The following AUH variants were observed in gnomAD, a reference collection of about 807,000 sequenced individuals.
The protein encoded by AUH is AU RNA binding methylglutaconyl-CoA hydratase.
A neutral mutation model predicts 42.3 loss-of-function variants in AUH; 29 were observed. That is an observed-to-expected ratio of 0.69 (90% CI 0.51 to 0.93). The LOEUF (loss-of-function observed/expected upper bound fraction) is 0.93, where lower values mean the gene tolerates loss of function less well. Among genes scored for constraint, AUH ranks in the 40% least tolerant of loss-of-function variants. The pLI is 0.00. For synonymous variants in AUH, 174 were observed against 166.4 expected, an observed-to-expected ratio of 1.05 and a Z score of -0.35; for missense variants, 452 against 438.1, an observed-to-expected ratio of 1.03 and a Z score of -0.28.
At chr9:91,315,123 G>C (rs1167348509) in intron 4 of AUH, among the ~76,000 whole-genome samples, 2 of 152,166 alleles carry the variant, frequency 1.3e-5, no homozygotes, top group Non-Finnish European at 2.9e-5. Context: ...TTTTTTAGTA[G>C]AGACAGGGTT....
At position 91,223,947 on chromosome 9, in the gene AUH, A is replaced by G. The variant is rs531875288; in HGVS notation, c.656-2955T>C. On this transcript the variant is annotated intron_variant, in intron 6 of 9. Coordinates refer to ENST00000375731, the MANE Select transcript of AUH (RefSeq NM_001698.3). ...AAGAACCAAAACTCAGCTGATCACCAGACCAGATGACTCCTTGCCCCTCCC... is the reference window on the plus strand; with the variant it reads ...AAGAACCAAAACTCAGCTGATCACCGGACCAGATGACTCCTTGCCCCTCCC... 2.0e-5 allele frequency among the ~76,000 whole-genome samples: 3 copies of G among 152,348 alleles called. No homozygotes were observed. In the East Asian group the frequency reaches 5.8e-4, roughly 29 times the overall value.
At chr9:91,290,645 T>A (rs1826790556) in intron 6 of AUH, among the ~76,000 whole-genome samples, 1 of 152,108 alleles carries the variant, frequency 6.6e-6, no homozygotes, top group Non-Finnish European at 1.5e-5. Context: ...TGGGAAAAAA[T>A]TCTAGTTTCT....
chr9:91,358,073 G>A (rs1002775927), intron 1 of AUH, among the ~76,000 whole-genome samples: 5 of 152,182 alleles, frequency 3.3e-5, no homozygotes, highest in Admixed American at 2.6e-4. Flanking sequence ...TGAGATTGGT[G>A]GTGGTAAAAA....
chr9:91,262,280 G>A (rs2131449984), intron 6 of AUH, among the ~76,000 whole-genome samples: 1 of 152,268 alleles, frequency 6.6e-6, no homozygotes, highest in East Asian at 1.9e-4. Flanking sequence ...GTGTACCTGA[G>A]ATAATTTTGA....
chr9:91,356,289 G>A (rs1328790739), intron 1 of AUH, 134 bp from the exon 2 acceptor site: 3 of 755,052 alleles, frequency 4.0e-6, no homozygotes, highest in Non-Finnish European at 4.5e-6. Context: ...CCCTTCAATC[G>A]ATCTCTTCTT....
chr9:91,315,934 T>C (rs1387740811), intron 4 of AUH, among the ~76,000 whole-genome samples: 1 of 152,222 alleles, frequency 6.6e-6, no homozygotes, highest in Non-Finnish European at 1.5e-5. Context: ...TTGAATGCTA[T>C]TAGTTTTATA....
At position 91,358,871 on chromosome 9, in the gene AUH, T is replaced by G. The variant is rs1037597003; in HGVS notation, c.263-2716A>C. ...ACAACTGTACCATCAAATGTATCTG[T>G]AGGCTTTTGGTATTCTAAAATGGAA... is the stretch of plus-strand genomic sequence containing the variant. On this transcript the variant is annotated intron_variant, in intron 1 of 9. Coordinates refer to ENST00000375731, the MANE Select transcript of AUH (RefSeq NM_001698.3). Among the ~76,000 whole-genome samples, 45 of 152,358 alleles carry G rather than the reference T, an allele frequency of 3.0e-4. 1 individual carries two copies. Among genetic ancestry groups the G allele is most frequent in the Admixed American group, 2.7e-3 (42 of 15,304 alleles).
chr9:91,302,544 G>A (rs1362550944), intron 4 of AUH, among the ~76,000 whole-genome samples: 6 of 152,056 alleles, frequency 3.9e-5, no homozygotes. Flanking sequence ...AGCTGAGATC[G>A]CGCCATTGCA....
At chr9:91,357,544 T>C (rs1307477739) in intron 1 of AUH, 2 of 922,314 alleles carry the variant, frequency 2.2e-6, no homozygotes, top group African/African-American at 1.8e-5. Context: ...TTAATAATCA[T>C]AGAAATCATT....
In AUH at chr9:91,330,451, T is replaced by TAG. The variant is rs767969374; in HGVS notation, c.419-5048_419-5047insCT. Among the ~76,000 whole-genome samples, 2 of 152,108 alleles carry TAG rather than the reference T, an allele frequency of 1.3e-5. 1 individual carries two copies. Among genetic ancestry groups the TAG allele is most frequent in the East Asian group, 3.9e-4 (2 of 5,190 alleles). On this transcript the variant is annotated intron_variant, in intron 3 of 9. Transcript: ENST00000375731. ...TTTCTGAAAATTAATAAGATGAAAATGCAAAGTGCCAACAACAGTCAAGAT... is the reference window on the plus strand; with the variant it reads ...TTTCTGAAAATTAATAAGATGAAAATAGGCAAAGTGCCAACAACAGTCAAGAT...
At chr9:91,353,094 C>CT (rs34666441) in intron 3 of AUH, among the ~76,000 whole-genome samples, 19 of 148,162 alleles carry the variant, frequency 1.3e-4, no homozygotes, top group East Asian at 7.8e-4. Context: ...TTTGAGGTTT[C>CT]TTTTTTTTTT....
chr9:91,261,435 T>C (rs1829702153), intron 6 of AUH, among the ~76,000 whole-genome samples: 1 of 152,218 alleles, frequency 6.6e-6, no homozygotes, highest in Non-Finnish European at 1.5e-5. Context: ...ATTCAGAATT[T>C]TAAATGTTCC....
intron 6 of AUH, among the ~76,000 whole-genome samples, chr9:91,248,542 T>C (rs1828924595): frequency 6.6e-6 from 1 of 152,174 alleles, no homozygotes; most frequent in East Asian, 1.9e-4. Context: ...AGTGGGAATA[T>C]GGTCTAGATT....
In AUH at chr9:91,359,584, AG is replaced by A. The variant is rs1326450471; in HGVS notation, c.262+2043del. 4.5e-4 allele frequency among the ~76,000 whole-genome samples: 66 copies of A among 146,718 alleles called. 1 individual carries two copies. The highest frequency in any genetic ancestry group is 1.6e-3 in the African/African-American group (64 of 40,864). On this transcript the variant is annotated intron_variant, in intron 1 of 9. Coordinates refer to ENST00000375731, the MANE Select transcript of AUH (RefSeq NM_001698.3). ...AGTCTCCATCTCAAAAGAAAAAAAA[AG>A]AAAAGAAAAGGAAATTTGGTTATAG...
chr9:91,236,939 A>G (rs529438250), intron 6 of AUH, among the ~76,000 whole-genome samples: 1 of 152,330 alleles, frequency 6.6e-6, no homozygotes, highest in East Asian at 1.9e-4. Flanking sequence ...GGCAGGAAAA[A>G]AAACCCCATA....
chr9:91,330,695 C>T (rs929549891), intron 3 of AUH, among the ~76,000 whole-genome samples: 1 of 152,168 alleles, frequency 6.6e-6, no homozygotes, highest in African/African-American at 2.4e-5. Flanking sequence ...AACAAGCAAA[C>T]AGTAGAAGAC....
chr9:91,359,953 C>G (rs1027420783), intron 1 of AUH, among the ~76,000 whole-genome samples: 11 of 150,362 alleles, frequency 7.3e-5, no homozygotes, highest in Non-Finnish European at 1.6e-4. Context: ...TCAAAGGAGG[C>G]GGGGTCAACT....
At chr9:91,232,964 A>G (rs1247424039) in intron 6 of AUH, among the ~76,000 whole-genome samples, 1 of 152,228 alleles carries the variant, frequency 6.6e-6, no homozygotes, top group East Asian at 1.9e-4. Context: ...CTTGTTGTTT[A>G]GGACCATTTT....
At chr9:91,343,439 A>G (rs879380980) in intron 3 of AUH, among the ~76,000 whole-genome samples, 9 of 152,234 alleles carry the variant, frequency 5.9e-5, no homozygotes, top group Non-Finnish European at 1.3e-4. Flanking sequence ...AGTATTTAAG[A>G]AAAAAGACAC....
Sources: allele counts gnomAD v4.1 joint callset (sites outside exome capture counted in the v4.1 genomes callset), GRCh38; gene constraint gnomAD v4.1.1; transcripts MANE v1.5; gene names NCBI Gene and HGNC (gene_info 2026-07-23, HGNC 2026-07-21).